The following IPO9 variants were observed in gnomAD, a reference collection of about 807,000 sequenced individuals.
IPO9 encodes importin-9.
IPO9 carries 28 observed loss-of-function variants against 128.6 expected under a neutral mutation model. The ratio of observed to expected loss-of-function variants is 0.22; its 90% confidence interval spans 0.16 to 0.30. The LOEUF (loss-of-function observed/expected upper bound fraction) is 0.30, where lower values mean the gene tolerates loss of function less well. Ranked by LOEUF, IPO9 falls within the 10% of genes least tolerant of loss-of-function variation. The pLI is 1.00. For missense variants in IPO9, 935 were observed against 1,293.9 expected, an observed-to-expected ratio of 0.72 and a Z score of 4.26; for synonymous variants, 455 against 475.8, an observed-to-expected ratio of 0.96 and a Z score of 0.57.
chr1:201,851,648 T>A (rs781537196), intron 4 of IPO9, among the ~76,000 whole-genome samples: 4 of 151,826 alleles, frequency 2.6e-5, no homozygotes, highest in Non-Finnish European at 5.9e-5. Flanking sequence ...CAAAGAGGAG[T>A]TGAGGCCTAG....
rs185913627 is a variant in IPO9, at chr1:201,861,587, C to T, written c.1469-1861C>T. 2.9e-4 allele frequency among the ~76,000 whole-genome samples: 44 copies of T among 152,286 alleles called. No individual in the cohort carries two copies. The East Asian group carries it at 8.1e-3, about 28-fold the overall frequency. Reference sequence around the variant, plus strand: ...TTTAACTTACAGTATTTTCAACTTACGATGTGTTTATCAGGAAGTAACCCC... The same window carrying T: ...TTTAACTTACAGTATTTTCAACTTATGATGTGTTTATCAGGAAGTAACCCC... On this transcript the variant is annotated intron_variant, in intron 13 of 23. Transcript: ENST00000361565.
rs765424525 is a variant in IPO9 at position 201,866,751 on chromosome 1, AGTC to A, written c.1648_1650del (p.Val550del). On this transcript the variant is annotated inframe_deletion, in exon 15 of 24. Transcript: ENST00000361565. Reference sequence around the variant, plus strand: ...TCTCTAGTTATTGTGACCAACTGAAAGTCTCAGAGAGTACCCACGTGCTCCAGC... The same window carrying A: ...TCTCTAGTTATTGTGACCAACTGAAATCAGAGAGTACCCACGTGCTCCAGC... 5.0e-6 allele frequency: 8 copies of A among 1,613,884 alleles called. No homozygotes were observed. The highest frequency in any genetic ancestry group is 6.8e-6 in the Non-Finnish European group (8 of 1,179,856).
intron 10 of IPO9, 71 bp downstream of exon 10, chr1:201,856,005 G>A: frequency 2.6e-6 from 3 of 1,161,702 alleles, no homozygotes; most frequent in South Asian, 1.6e-5. Context: ...TGAGGTCTTG[G>A]TCAGGTGAAC....
intron 1 of IPO9, among the ~76,000 whole-genome samples, chr1:201,834,121 T>A (rs1004461497): frequency 2.6e-5 from 4 of 152,184 alleles, no homozygotes; most frequent in Non-Finnish European, 5.9e-5. Context: ...TGATCAGGTT[T>A]GTAGGAAATT....
intron 3 of IPO9, 58 bp from the exon 4 acceptor site, chr1:201,848,335 G>A: frequency 1.4e-6 from 2 of 1,435,492 alleles, no homozygotes; most frequent in Non-Finnish European, 2.0e-6. Flanking sequence ...AATTGAACTG[G>A]GCTCTGCCAG....
intron 4 of IPO9, 55 bp downstream of exon 4, chr1:201,848,649 A>G (rs1402747348): frequency 2.6e-6 from 4 of 1,559,468 alleles, no homozygotes; most frequent in Non-Finnish European, 2.6e-6. Context: ...CGACAGGAGT[A>G]TTACCAGAAG....
intron 10 of IPO9, among the ~76,000 whole-genome samples, chr1:201,856,163 A>G (rs1422347076): frequency 2.2e-5 from 3 of 135,528 alleles, no homozygotes; most frequent in Admixed American, 8.1e-5. Context: ...GCAAAGTACT[A>G]TACTATGTTG....
intron 1 of IPO9, among the ~76,000 whole-genome samples, chr1:201,834,200 T>A (rs1454971132): frequency 1.6e-5 from 1 of 61,738 alleles, no homozygotes; most frequent in African/African-American, 3.9e-5. Flanking sequence ...AAAAAAACTT[T>A]TCTTTTCTTT....
chr1:201,848,609 T>C lies in IPO9; in HGVS notation c.514+15T>C. The C allele has an allele frequency of 6.2e-7, 1 of 1,612,658 alleles. No homozygotes were observed. Among genetic ancestry groups the C allele is most frequent in the Non-Finnish European group, 8.5e-7 (1 of 1,179,336 alleles). ...TGTGCTGACAGGTACCAGAAGCCCTTTTCCCTGGTATTGGTACTTGGATCT... is the reference window on the plus strand; with the variant it reads ...TGTGCTGACAGGTACCAGAAGCCCTCTTCCCTGGTATTGGTACTTGGATCT... On this transcript the variant is annotated intron_variant, in intron 4 of 23. Transcript: ENST00000361565.
rs562623401 is a variant in IPO9 at position 201,878,962 on chromosome 1, A to G, written c.*2908A>G. ...AAGACAAATGAGGTAAAAATAAAAA[A>G]GAGCACTTAGCTGCTCTGAGACATT... is the stretch of plus-strand genomic sequence containing the variant. On this transcript the variant is annotated 3_prime_UTR_variant, in exon 24 of 24. Transcript: ENST00000361565. The G allele has an allele frequency of 2.0e-5, 3 of 152,340 alleles. No individual in the cohort carries two copies. In the South Asian group the frequency reaches 6.2e-4, roughly 32 times the overall value. The allele number at this position is 152,340 out of a possible 1,614,324, so 9.4% of individuals were successfully genotyped here.
rs553119670 is a variant in IPO9 at position 201,876,036 on chromosome 1, A to G, written c.3108A>G (p.Leu1036=). ...GHLNDNERRV[L]QTIGI ...TTAATGACAATGAGAGGCGAGTTCT[A>G]CAGACCATCGGCATCTAAAAAGGGG... The change falls in exon 24 of 24, where the codon CTA becomes CTG. Residue 1036 remains leucine, a synonymous_variant. Coordinates refer to ENST00000361565, the MANE Select transcript of IPO9 (RefSeq NM_018085.5). 2.5e-6 allele frequency: 4 copies of G among 1,611,872 alleles called. No homozygotes were observed. The highest frequency in any genetic ancestry group is 3.4e-6 in the Non-Finnish European group (4 of 1,177,912).
rs1289050113 is a variant in IPO9 at position 201,848,508 on chromosome 1, C to T, written c.428C>T (p.Ala143Val). The change falls in exon 4 of 24, where the codon GCT becomes GTT. Residue 143 changes from alanine (A) to valine (V), a missense_variant. By Grantham distance (64) the Ala-to-Val change is moderately conservative (BLOSUM62 0). Around this residue, in one of 3 missense-constraint regions of IPO9, gnomAD observed 741 missense variants for 1,019.1 expected, o/e 0.73. Transcript: ENST00000361565. ...SAIAHWDWPE[A>V]WPQLFNLLME... ...ATTGCCCACTGGGACTGGCCTGAAG[C>T]TTGGCCCCAACTCTTCAACCTGCTC... The T allele has an allele frequency of 3.7e-6, 6 of 1,614,198 alleles. No homozygotes were observed. Among genetic ancestry groups the T allele is most frequent in the Non-Finnish European group, 5.1e-6 (6 of 1,180,024 alleles).
chr1:201,881,893 A>G lies in IPO9; in HGVS notation c.*5839A>G, dbSNP rs1175188259. ...GAGCTGGATTAGAGATGTTGACAAGATAAAGTCAGTAGGACTTAAAGACTG... is the reference window on the plus strand; with the variant it reads ...GAGCTGGATTAGAGATGTTGACAAGGTAAAGTCAGTAGGACTTAAAGACTG... On this transcript the variant is annotated 3_prime_UTR_variant, in exon 24 of 24. Transcript: ENST00000361565. 6.6e-6 allele frequency: 1 copy of G among 152,248 alleles called. No homozygotes were observed. The highest frequency in any genetic ancestry group is 1.5e-5 in the Non-Finnish European group (1 of 68,052). The allele number at this position is 152,248 out of a possible 1,614,324, so 9.4% of individuals were successfully genotyped here. A position where few individuals can be genotyped will look rare whatever the true frequency, so the allele number is the denominator to read the frequency against.
chr1:201,834,877 G>T (rs1679896179), intron 1 of IPO9: 1 of 152,200 alleles, frequency 6.6e-6, no homozygotes, highest in African/African-American at 2.4e-5. Context: ...CCCCATCTTA[G>T]ATGCCTAGAG....
chr1:201,837,726 A>G (rs1190625247), intron 1 of IPO9, among the ~76,000 whole-genome samples: 2 of 152,228 alleles, frequency 1.3e-5, no homozygotes, highest in African/African-American at 4.8e-5. Context: ...AGGAACATTA[A>G]AAGTCCAAAT....
At chr1:201,848,969 T>A (rs182780168) in intron 4 of IPO9, among the ~76,000 whole-genome samples, 3 of 152,348 alleles carry the variant, frequency 2.0e-5, no homozygotes, top group African/African-American at 7.2e-5. Context: ...TTTGGTATAG[T>A]TTAAATGTTA....
In IPO9 at chr1:201,881,433, A is replaced by T. The variant is rs1165351651; in HGVS notation, c.*5379A>T. On this transcript the variant is annotated 3_prime_UTR_variant, in exon 24 of 24. Coordinates refer to ENST00000361565, the MANE Select transcript of IPO9 (RefSeq NM_018085.5). ...CCTATTTGTTTTGCCTTTCCTGTGC[A>T]TTTGCCAGGCAGATGAGAGTGGGGT... is the stretch of plus-strand genomic sequence containing the variant. The T allele has an allele frequency of 5.3e-5, 8 of 152,212 alleles. No individual in the cohort carries two copies. Among genetic ancestry groups the T allele is most frequent in the African/African-American group, 1.9e-4 (8 of 41,450 alleles). The allele number at this position is 152,212 out of a possible 1,614,324, so 9.4% of individuals were successfully genotyped here. A position where few individuals can be genotyped will look rare whatever the true frequency, so the allele number is the denominator to read the frequency against.
At position 201,858,821 on chromosome 1, in the gene IPO9, G is replaced by A. The variant is rs1680381527; in HGVS notation, c.1329-34G>A. The A allele has an allele frequency of 7.6e-6, 12 of 1,571,498 alleles. No homozygotes were observed. In the South Asian group the frequency reaches 1.3e-4, roughly 17 times the overall value. On this transcript the variant is annotated intron_variant, in intron 12 of 23. Coordinates refer to ENST00000361565, the MANE Select transcript of IPO9 (RefSeq NM_018085.5). ...AATATTTATCTCTTTTGGCAGTTTA[G>A]TATGTTTTACTAGGCTGTAGTATCC...
At chr1:201,857,047 C>A in intron 10 of IPO9, 49 bp from the exon 11 acceptor site, 1 of 1,122,192 alleles carries the variant, frequency 8.9e-7, no homozygotes, top group Non-Finnish European at 1.4e-6. Flanking sequence ...TGATGAAAAG[C>A]TATGAATCAG....
Sources: allele counts gnomAD v4.1 joint callset (sites outside exome capture counted in the v4.1 genomes callset), GRCh38; gene constraint gnomAD v4.1.1; regional missense constraint gnomAD v4.1.1; transcripts MANE v1.5; gene names NCBI Gene and HGNC (gene_info 2026-07-23, HGNC 2026-07-21).